ATP10B: variants seen among roughly 807,000 people sequenced by gnomAD.
ATP10B encodes ATPase phospholipid transporting 10B (putative).
A neutral mutation model predicts 141.2 loss-of-function variants in ATP10B; 122 were observed. The ratio of observed to expected loss-of-function variants is 0.86; its 90% confidence interval spans 0.75 to 1.00. The LOEUF (loss-of-function observed/expected upper bound fraction) is 1.00, where lower values mean the gene tolerates loss of function less well. Among genes scored for constraint, ATP10B ranks in the 50% least tolerant of loss-of-function variants. The pLI is 0.00. For synonymous variants in ATP10B, 685 were observed against 692.0 expected (o/e 0.99, Z 0.16); for missense variants, 1,876 against 1,825.3 (o/e 1.03, Z -0.51).
chr5:160,599,955 T>C (rs1211346177), intron 21 of ATP10B, among the ~76,000 whole-genome samples: 1 of 152,226 alleles, frequency 6.6e-6, no homozygotes, highest in Non-Finnish European at 1.5e-5. Context: ...GTAACTCCTA[T>C]TTCTGAACTG....
At chr5:160,572,320 G>A (rs895931544) in intron 24 of ATP10B, among the ~76,000 whole-genome samples, 2 of 152,088 alleles carry the variant, frequency 1.3e-5, no homozygotes, top group African/African-American at 2.4e-5. Context: ...CTTTAATGGG[G>A]ACTGAAACTG....
chr5:160,824,883 A>G (rs1023293620), intron 1 of ATP10B, among the ~76,000 whole-genome samples: 3 of 152,136 alleles, frequency 2.0e-5, no homozygotes, highest in African/African-American at 7.2e-5. Flanking sequence ...CAATCCGCCA[A>G]TTGCTAGCTT....
intron 13 of ATP10B, among the ~76,000 whole-genome samples, chr5:160,628,741 G>T (rs911700320): frequency 6.6e-6 from 1 of 152,080 alleles, no homozygotes; most frequent in Admixed American, 6.5e-5. Context: ...TTTACACAAA[G>T]ACTCTCTGCT....
chr5:160,773,093 T>G (rs1770026558), intron 2 of ATP10B, among the ~76,000 whole-genome samples: 1 of 152,204 alleles, frequency 6.6e-6, no homozygotes, highest in South Asian at 2.1e-4. Flanking sequence ...TCTGTGGTTC[T>G]GTGACCTTCG....
chr5:160,877,884 GAAAC>G, the ATP10B span, among the ~76,000 whole-genome samples: 16 of 147,320 alleles, frequency 1.1e-4, no homozygotes, highest in Middle Eastern at 0.01. Flanking sequence ...AATAAAAGAG[GAAAC>G]AAACAAATGG....
chr5:160,734,497 GT>G (rs1766972220), intron 2 of ATP10B, among the ~76,000 whole-genome samples: 3 of 151,998 alleles, frequency 2.0e-5, no homozygotes, highest in Admixed American at 2.0e-4. Context: ...ATGTAAAGTG[GT>G]ACATATAAAC....
chr5:160,633,951 C>T, intron 12 of ATP10B: 1 of 349,496 alleles, frequency 2.9e-6, no homozygotes, highest in East Asian at 7.4e-5. Flanking sequence ...TCTGACCATG[C>T]ACCTAGACAC....
the ATP10B span, among the ~76,000 whole-genome samples, chr5:160,877,832 C>T: frequency 0.51 from 59,354 of 117,382 alleles, 18,407 homozygotes; most frequent in East Asian, 0.81. Flanking sequence ...TTACAAGGGA[C>T]ATGAAGGACC....
chr5:160,758,215 A>G (rs548696497), intron 2 of ATP10B, among the ~76,000 whole-genome samples: 2 of 152,158 alleles, frequency 1.3e-5, no homozygotes, highest in East Asian at 3.9e-4. Context: ...GTATTTAAAC[A>G]CTGGGTAGAT....
chr5:160,920,489 C>G, the ATP10B span, among the ~76,000 whole-genome samples: 2 of 152,238 alleles, frequency 1.3e-5, no homozygotes, highest in South Asian at 4.1e-4. Flanking sequence ...CTGGGCAGCG[C>G]TCTCAAGCAT....
intron 2 of ATP10B, among the ~76,000 whole-genome samples, chr5:160,767,658 T>A (rs958292405): frequency 3.0e-4 from 33 of 110,308 alleles, no homozygotes; most frequent in African/African-American, 1.0e-3. Flanking sequence ...AAATAACAGG[T>A]TACTCTGACT....
intron 2 of ATP10B, among the ~76,000 whole-genome samples, chr5:160,761,742 G>C (rs1308075956): frequency 6.6e-6 from 1 of 152,086 alleles, no homozygotes; most frequent in Admixed American, 6.5e-5. Flanking sequence ...AGAAATCTCT[G>C]AATTGCCAGA....
At chr5:160,626,164 T>C (rs1392877353) in intron 13 of ATP10B, among the ~76,000 whole-genome samples, 1 of 152,238 alleles carries the variant, frequency 6.6e-6, no homozygotes, top group African/African-American at 2.4e-5. Context: ...TCCAGACTAT[T>C]TCTCGGAAGA....
At chr5:160,673,902 G>T (rs1174875602) in intron 6 of ATP10B, among the ~76,000 whole-genome samples, 2 of 152,154 alleles carry the variant, frequency 1.3e-5, no homozygotes, top group Non-Finnish European at 2.9e-5. Context: ...AGGAGAGACT[G>T]GTTTTCTTTT....
intron 24 of ATP10B, among the ~76,000 whole-genome samples, chr5:160,573,442 T>C (rs1168790043): frequency 6.6e-6 from 1 of 152,178 alleles, no homozygotes; most frequent in Non-Finnish European, 1.5e-5. Context: ...CTTTTATACT[T>C]TAAAGAAGAG....
the ATP10B span, among the ~76,000 whole-genome samples, chr5:160,877,583 G>A: frequency 1.3e-5 from 2 of 150,514 alleles, no homozygotes; most frequent in African/African-American, 2.4e-5. Context: ...TAGGAAAAGA[G>A]GAAATCAAAT....
At chr5:160,603,912 C>T in intron 20 of ATP10B, 53 bp downstream of exon 20, 1 of 1,511,356 alleles carries the variant, frequency 6.6e-7, no homozygotes, top group South Asian at 1.1e-5. Context: ...TGGATATTTC[C>T]TTGTATCTCA....
At chr5:160,589,483 T>C (rs1234244828) in intron 24 of ATP10B, 109 bp downstream of exon 24, 4 of 822,612 alleles carry the variant, frequency 4.9e-6, no homozygotes, top group Non-Finnish European at 8.3e-6. Context: ...GAGCTTAGTA[T>C]GTATTTATTG....
chr5:160,907,190 C>T, the ATP10B span, among the ~76,000 whole-genome samples: 1 of 152,086 alleles, frequency 6.6e-6, no homozygotes, highest in Admixed American at 6.6e-5. Context: ...GGCCTTCATG[C>T]AGGTTCAATA....
Sources: gnomAD v4.1 joint callset for allele counts (sites outside exome capture counted in the v4.1 genomes callset) on GRCh38, gnomAD v4.1.1 for gene constraint, MANE v1.5 for transcripts, NCBI Gene and HGNC (gene_info 2026-07-23, HGNC 2026-07-21) for gene names.